The following IRF2 variants were observed in gnomAD, a reference collection of about 807,000 sequenced individuals.
IRF2 encodes the protein interferon regulatory factor 2.
A neutral mutation model predicts 40.6 loss-of-function variants in IRF2; 15 were observed. That is an observed-to-expected ratio of 0.37 (90% CI 0.25 to 0.57). The LOEUF (loss-of-function observed/expected upper bound fraction) is 0.57, where lower values mean the gene tolerates loss of function less well. Ranked by LOEUF, IRF2 falls within the 20% of genes least tolerant of loss-of-function variation. The pLI, the probability that IRF2 is intolerant of heterozygous loss-of-function variation, is 0.77. For synonymous variants in IRF2, 151 were observed against 165.5 expected (o/e 0.91, Z 0.67); for missense variants, 317 against 455.7 (o/e 0.70, Z 2.77).
chr4:184,461,319 T>C (rs1739135861), intron 1 of IRF2, among the ~76,000 whole-genome samples: 1 of 152,144 alleles, frequency 6.6e-6, no homozygotes, highest in African/African-American at 2.4e-5. Context: ...TTAAAAAAAA[T>C]AAAATGTATA....
chr4:184,473,615 G>A (rs1477003628), intron 1 of IRF2, among the ~76,000 whole-genome samples: 1 of 147,506 alleles, frequency 6.8e-6, no homozygotes, highest in Non-Finnish European at 1.5e-5. Context: ...GGGCGCGTCG[G>A]CCAGGCCCGG....
At chr4:184,421,827 C>T (rs1737493568) in intron 2 of IRF2, among the ~76,000 whole-genome samples, 1 of 152,114 alleles carries the variant, frequency 6.6e-6, no homozygotes, top group Admixed American at 6.5e-5. Context: ...CACTATGGAC[C>T]CTCTTGAAAT....
At chr4:184,396,575 C>T (rs548101130) in intron 7 of IRF2, among the ~76,000 whole-genome samples, 160 of 151,930 alleles carry the variant, frequency 1.1e-3, no homozygotes, top group Non-Finnish European at 1.9e-3. Flanking sequence ...GCTGGGACTA[C>T]GGGCACATGC....
At chr4:184,447,168 A>G (rs1738542667) in intron 1 of IRF2, among the ~76,000 whole-genome samples, 1 of 152,126 alleles carries the variant, frequency 6.6e-6, no homozygotes, top group Non-Finnish European at 1.5e-5. Context: ...GGGGCAGGGA[A>G]AGCAAAAGAT....
At chr4:184,410,340 C>T (rs1369939161) in intron 5 of IRF2, among the ~76,000 whole-genome samples, 1 of 152,242 alleles carries the variant, frequency 6.6e-6, no homozygotes, top group Non-Finnish European at 1.5e-5. Flanking sequence ...AATAAGCACT[C>T]ACCATTACCA....
intron 1 of IRF2, among the ~76,000 whole-genome samples, chr4:184,446,823 C>T (rs534059449): frequency 1.8e-4 from 28 of 151,972 alleles, no homozygotes; most frequent in Non-Finnish European, 3.4e-4. Flanking sequence ...GGCGTGGTGA[C>T]GGGCACCTGT....
intron 2 of IRF2, among the ~76,000 whole-genome samples, chr4:184,425,697 G>A (rs758725482): frequency 6.6e-6 from 1 of 152,258 alleles, no homozygotes; most frequent in Non-Finnish European, 1.5e-5. Flanking sequence ...ACGCTCAGCA[G>A]GTAAGGACTG....
At chr4:184,398,666 AAAAT>A (rs1561084647) in intron 7 of IRF2, among the ~76,000 whole-genome samples, 48 of 147,084 alleles carry the variant, frequency 3.3e-4, no homozygotes, top group Non-Finnish European at 3.9e-4. Context: ...AAAAAAAAAA[AAAAT>A]AAATAAATAA....
At chr4:184,464,870 T>C (rs1306154368) in intron 1 of IRF2, among the ~76,000 whole-genome samples, 2 of 151,898 alleles carry the variant, frequency 1.3e-5, no homozygotes, top group Non-Finnish European at 1.5e-5. Context: ...CTTTTTTTTT[T>C]CTCTCTCTCT....
intron 1 of IRF2, among the ~76,000 whole-genome samples, chr4:184,430,076 T>G (rs1460421461): frequency 1.3e-5 from 2 of 152,234 alleles, no homozygotes; most frequent in Admixed American, 6.5e-5. Flanking sequence ...GATTGGTCCC[T>G]TCCTTCTTTT....
chr4:184,456,455 G>C (rs1007772816), intron 1 of IRF2, among the ~76,000 whole-genome samples: 1 of 152,214 alleles, frequency 6.6e-6, no homozygotes, highest in Non-Finnish European at 1.5e-5. Flanking sequence ...AAGAAGCTGC[G>C]CCACGGGGAA....
chr4:184,406,464 G>A (rs1017653267), intron 6 of IRF2, among the ~76,000 whole-genome samples: 5 of 152,052 alleles, frequency 3.3e-5, no homozygotes, highest in African/African-American at 9.7e-5. Context: ...TGCTGAGCTC[G>A]TGAACCACCC....
At chr4:184,412,552 T>C (rs937307654) in intron 5 of IRF2, among the ~76,000 whole-genome samples, 6 of 152,218 alleles carry the variant, frequency 3.9e-5, no homozygotes, top group African/African-American at 1.4e-4. Context: ...TCTAAGTCTC[T>C]GCTAACAGAA....
intron 1 of IRF2, among the ~76,000 whole-genome samples, chr4:184,459,703 T>C (rs753046921): frequency 6.6e-6 from 1 of 152,210 alleles, no homozygotes; most frequent in African/African-American, 2.4e-5. Context: ...AGCCCTTGAA[T>C]AGACATTCCT....
At chr4:184,400,067 G>C (rs1736612030) in intron 6 of IRF2, among the ~76,000 whole-genome samples, 2 of 152,130 alleles carry the variant, frequency 1.3e-5, no homozygotes, top group Non-Finnish European at 2.9e-5. Context: ...TTTTGTGTGA[G>C]TGTGTACCTG....
At chr4:184,436,726 A>T (rs1738093491) in intron 1 of IRF2, among the ~76,000 whole-genome samples, 6 of 152,112 alleles carry the variant, frequency 3.9e-5, no homozygotes, top group African/African-American at 1.4e-4. Flanking sequence ...AGGACTGAAG[A>T]TGTGTTTGCT....
chr4:184,419,672 C>T (rs1579834403), intron 2 of IRF2, 104 bp from the exon 3 acceptor site: 1 of 755,538 alleles, frequency 1.3e-6, no homozygotes, highest in Non-Finnish European at 2.2e-6. Context: ...CCCCAGCAAG[C>T]ATCGCTGAAT....
intron 3 of IRF2, among the ~76,000 whole-genome samples, chr4:184,419,143 T>C (rs540695826): frequency 2.0e-5 from 3 of 152,332 alleles, no homozygotes; most frequent in Non-Finnish European, 4.4e-5. Context: ...CAGGTATTTC[T>C]GACTACCTTT....
Position 184,429,438 on chromosome 4 carries a change from T to A in IRF2, c.-6-368A>T, listed in dbSNP as rs182650675. On this transcript the variant is annotated intron_variant, in intron 1 of 8. Coordinates refer to ENST00000393593, the MANE Select transcript of IRF2 (RefSeq NM_002199.4). ...GAGGCCCCAACGCCTTTGGGGATGA[T>A]CCTTCCAAGAGCCAAGGGGTGGGCA... Among the ~76,000 whole-genome samples, 37 of 152,294 alleles carry A rather than the reference T, an allele frequency of 2.4e-4. No homozygotes were observed. In the East Asian group the frequency reaches 6.4e-3, roughly 26 times the overall value.
Sources: gnomAD v4.1 joint callset for allele counts (sites outside exome capture counted in the v4.1 genomes callset) on GRCh38, gnomAD v4.1.1 for gene constraint, MANE v1.5 for transcripts, NCBI Gene and HGNC (gene_info 2026-07-23, HGNC 2026-07-21) for gene names.